Variants in COL11A1 observed in about 807,000 individuals in gnomAD.
The protein encoded by COL11A1 is collagen type XI alpha 1 chain, also known as collagen alpha-1(XI) chain.
COL11A1 carries 74 observed loss-of-function variants against 265.2 expected under a neutral mutation model. The ratio of observed to expected loss-of-function variants is 0.28; its 90% CI spans 0.23 to 0.34. The LOEUF (loss-of-function observed/expected upper bound fraction) is 0.34. Ranked by LOEUF, COL11A1 falls within the 10% of genes least tolerant of loss-of-function variation. The probability of loss-of-function intolerance (pLI) is 1.00; values close to 1 mark genes in which losing one functional copy is unlikely to be tolerated. For synonymous variants in COL11A1, 816 were observed against 727.6 expected (o/e 1.12, Z -1.96); for missense variants, 2,165 against 2,263.6 (o/e 0.96, Z 0.88).
intron 46 of COL11A1, among the ~76,000 whole-genome samples, chr1:102,930,302 T>G (rs539968591): frequency 6.5e-4 from 98 of 151,844 alleles, no homozygotes; most frequent in African/African-American, 8.7e-4. Context: ...TTAGCATGAA[T>G]GGTTGTTGAA....
chr1:102,968,402 A>G (rs1370742811), intron 37 of COL11A1, among the ~76,000 whole-genome samples: 2 of 152,204 alleles, frequency 1.3e-5, no homozygotes, highest in African/African-American at 2.4e-5. Flanking sequence ...AATAGAAACC[A>G]TTTCTGAAGC....
chr1:102,963,085 A>G (rs1661078059), intron 38 of COL11A1, among the ~76,000 whole-genome samples: 1 of 152,194 alleles, frequency 6.6e-6, no homozygotes, highest in Admixed American at 6.5e-5. Flanking sequence ...TTTTAATTAC[A>G]GTTTTATCCC....
chr1:103,057,453 T>G (rs1011571685), intron 4 of COL11A1, among the ~76,000 whole-genome samples: 1 of 152,310 alleles, frequency 6.6e-6, no homozygotes, highest in Admixed American at 6.5e-5. Flanking sequence ...TCTCCTCCTA[T>G]GAATCACAAA....
chr1:102,986,588 A>T (rs952281742), intron 30 of COL11A1, among the ~76,000 whole-genome samples: 3 of 152,154 alleles, frequency 2.0e-5, no homozygotes, highest in Non-Finnish European at 2.9e-5. Context: ...TTGTTGTAGA[A>T]AATATAGACA....
chr1:102,899,001 A>T lies in COL11A1; in HGVS notation c.4087-7T>A, dbSNP rs745697465. The T allele has an allele frequency of 6.6e-7, 1 of 1,517,326 alleles. No homozygotes were observed. Among genetic ancestry groups the T allele is most frequent in the Non-Finnish European group, 8.9e-7 (1 of 1,119,364 alleles). The allele number at this position is 1,517,326 out of a possible 1,614,324, so 94.0% of individuals were successfully genotyped here. On this transcript the variant is annotated splice_region_variant and splice_polypyrimidine_tract_variant and intron_variant, in intron 54 of 66. Transcript: ENST00000370096. ...CTGCAGCTCCAGGAGGACCCTATAG[A>T]CATAAGATTTATTGTAAAATATGTA... is the stretch of plus-strand genomic sequence containing the variant.
intron 1 of COL11A1, among the ~76,000 whole-genome samples, chr1:103,095,432 G>A (rs2102390597): frequency 6.6e-6 from 1 of 151,986 alleles, no homozygotes; most frequent in South Asian, 2.1e-4. Context: ...CAAATAAAAA[G>A]AACAGGCAAG....
intron 15 of COL11A1, among the ~76,000 whole-genome samples, chr1:103,007,155 A>G (rs1015314429): frequency 6.6e-6 from 1 of 152,188 alleles, no homozygotes; most frequent in Non-Finnish European, 1.5e-5. Context: ...AAAATTTAGC[A>G]CAGTGCCTGG....
intron 41 of COL11A1, among the ~76,000 whole-genome samples, chr1:102,953,599 T>C (rs1306055176): frequency 6.6e-6 from 1 of 152,184 alleles, no homozygotes; most frequent in South Asian, 2.1e-4. Context: ...ATGTAATAGA[T>C]GTTAGAGGAC....
chr1:102,942,708 C>T (rs906961353), intron 42 of COL11A1, among the ~76,000 whole-genome samples: 1 of 152,172 alleles, frequency 6.6e-6, no homozygotes, highest in East Asian at 1.9e-4. Flanking sequence ...TCACTCCTTC[C>T]TCAAAAGCTC....
rs55821405 is a variant in COL11A1 at position 102,889,503 on chromosome 1, G to T, written c.4416C>A (p.Asp1472Glu). Residue 1472 changes from aspartate (D) to glutamate (E), a missense_variant, in exon 59 of 67, where the codon GAC becomes GAA. Transcript: ENST00000370096. ...GPPGEQGEKG[D>E]RGLPGTQGSP... ...ATCCTTGAGTTCCAGGGAGCCCTCG[G>T]TCACCTTTTTCCCCTTGTTCTCCTG... 5,390 of 1,613,130 alleles carry T rather than the reference G, an allele frequency of 3.3e-3. 21 individuals carry two copies. Among genetic ancestry groups the T allele is most frequent in the Middle Eastern group, 3.8e-3 (23 of 6,056 alleles).
chr1:102,940,914 CATT>C (rs1208212173), intron 42 of COL11A1, among the ~76,000 whole-genome samples: 1 of 152,020 alleles, frequency 6.6e-6, no homozygotes, highest in African/African-American at 2.4e-5. Context: ...TTAAAAATGG[CATT>C]ATTTTCATGT....
intron 4 of COL11A1, among the ~76,000 whole-genome samples, chr1:103,048,155 T>C (rs1318894644): frequency 3.3e-5 from 5 of 152,334 alleles, no homozygotes; most frequent in South Asian, 4.1e-4. Context: ...TTTCTATTGA[T>C]TGGAATAGTT....
At chr1:102,963,046 G>T (rs1476618956) in intron 38 of COL11A1, among the ~76,000 whole-genome samples, 1 of 152,054 alleles carries the variant, frequency 6.6e-6, no homozygotes, top group Non-Finnish European at 1.5e-5. Context: ...GCAGAGTGTG[G>T]CCAGTCCAAG....
intron 42 of COL11A1, among the ~76,000 whole-genome samples, chr1:102,945,695 T>C (rs1001838472): frequency 6.6e-6 from 1 of 152,132 alleles, no homozygotes; most frequent in Non-Finnish European, 1.5e-5. Flanking sequence ...GTTTTAATCT[T>C]GTAGGAAGAG....
intron 57 of COL11A1, among the ~76,000 whole-genome samples, chr1:102,893,561 T>C (rs1652026579): frequency 6.6e-6 from 1 of 152,088 alleles, no homozygotes; most frequent in Non-Finnish European, 1.5e-5. Flanking sequence ...ATATTGTAAA[T>C]TGAAAACCCC....
At chr1:102,899,070 TA>T in intron 54 of COL11A1, 76 bp from the exon 55 acceptor site, 3 of 777,624 alleles carry the variant, frequency 3.9e-6, no homozygotes, top group Non-Finnish European at 5.9e-6. Context: ...TTACAAACAC[TA>T]AACTTTAGTT....
intron 15 of COL11A1, among the ~76,000 whole-genome samples, chr1:103,006,757 T>C (rs1260464387): frequency 6.6e-5 from 10 of 152,024 alleles, no homozygotes; most frequent in Admixed American, 6.6e-4. Context: ...CTCGGTCTCC[T>C]GACCTTGTGA....
At chr1:103,005,793 T>C (rs201743383) in intron 18 of COL11A1, 45 bp downstream of exon 18, 3 of 1,605,032 alleles carry the variant, frequency 1.9e-6, no homozygotes, top group African/African-American at 2.7e-5. Context: ...AATTCTAAAA[T>C]ATTTTATAAC....
At chr1:102,968,498 T>C (rs913971136) in intron 37 of COL11A1, among the ~76,000 whole-genome samples, 5 of 152,214 alleles carry the variant, frequency 3.3e-5, no homozygotes, top group Admixed American at 2.6e-4. Context: ...AACAAACATT[T>C]AATTAATGGA....
Sources: gnomAD v4.1 joint callset for allele counts (sites outside exome capture counted in the v4.1 genomes callset) on GRCh38, gnomAD v4.1.1 for gene constraint, MANE v1.5 for transcripts, NCBI Gene and HGNC (gene_info 2026-07-23, HGNC 2026-07-21) for gene names.